ILKAP: variants seen among roughly 807,000 people sequenced by gnomAD.
The protein encoded by ILKAP is ILK associated serine/threonine phosphatase.
In ILKAP, 11 loss-of-function variants were observed where a neutral mutation model predicts 49.1. The observed-to-expected ratio is 0.22, with a 90% CI of 0.14 to 0.37. ILKAP has a LOEUF of 0.37. ILKAP is among the 10% of genes least tolerant of loss of function. The pLI is 1.00. For synonymous variants in ILKAP, 186 were observed against 192.8 expected (o/e 0.96, Z 0.29); for missense variants, 363 against 510.8 (o/e 0.71, Z 2.79).
chr2:238,195,433 G>A (rs1366270221), intron 1 of ILKAP, among the ~76,000 whole-genome samples: 10 of 151,968 alleles, frequency 6.6e-5, no homozygotes, highest in Admixed American at 6.6e-4. Context: ...GAAAATAAAG[G>A]AGTTTCAGGT....
intron 2 of ILKAP, 50 bp from the exon 3 acceptor site, chr2:238,194,381 T>G (rs757839747): frequency 8.9e-6 from 14 of 1,568,040 alleles, no homozygotes; most frequent in Non-Finnish European, 1.1e-5. Context: ...ATGTAAGACT[T>G]AAGTTTCAGA....
In ILKAP at chr2:238,170,477, A is replaced by G; in HGVS notation, c.*59T>C. 1 of 1,528,456 alleles carries G rather than the reference A, an allele frequency of 6.5e-7. No homozygotes were observed. 94.7% of individuals were successfully genotyped at this position (1,528,456 alleles called of 1,614,324 possible). A position where few individuals can be genotyped will look rare whatever the true frequency, so the allele number is the denominator to read the frequency against. ...AGTACACAAAACACACAATGTGCAC[A>G]CACACAAAATGAACCTTTTAAGTCA... On this transcript the variant is annotated 3_prime_UTR_variant, in exon 12 of 12. Transcript: ENST00000254654.
intron 10 of ILKAP, 53 bp from the exon 11 acceptor site, chr2:238,171,077 A>T: frequency 1.6e-6 from 2 of 1,261,536 alleles, no homozygotes; most frequent in Non-Finnish European, 2.3e-6. Flanking sequence ...CAAAAAATAA[A>T]AAATAAAAAA....
chr2:238,199,832 C>A (rs1275095323), intron 1 of ILKAP, among the ~76,000 whole-genome samples: 2 of 151,428 alleles, frequency 1.3e-5, no homozygotes, highest in Admixed American at 1.3e-4. Flanking sequence ...CCAGGCTCTT[C>A]TCAAATTCCT....
intron 6 of ILKAP, 76 bp from the exon 7 acceptor site, chr2:238,184,189 G>T: frequency 1.1e-6 from 1 of 884,688 alleles, no homozygotes; most frequent in Admixed American, 1.9e-5. Flanking sequence ...ATTTTGGTTT[G>T]TTTTTTGTTT....
At chr2:238,178,473 G>GC (rs937629395) in intron 9 of ILKAP, among the ~76,000 whole-genome samples, 2 of 152,190 alleles carry the variant, frequency 1.3e-5, no homozygotes, top group Non-Finnish European at 2.9e-5. Context: ...ACAGGTGTGA[G>GC]CCCTCTGCTC....
At chr2:238,178,011 A>G (rs1693538145) in intron 9 of ILKAP, among the ~76,000 whole-genome samples, 1 of 152,214 alleles carries the variant, frequency 6.6e-6, no homozygotes, top group South Asian at 2.1e-4. Flanking sequence ...GGATAAACTG[A>G]AAACAATAAA....
intron 1 of ILKAP, among the ~76,000 whole-genome samples, chr2:238,195,422 A>G (rs1694303325): frequency 7.2e-6 from 1 of 138,686 alleles, no homozygotes; most frequent in African/African-American, 2.5e-5. Context: ...ATAGCTATGG[A>G]GAAAATAAAG....
chr2:238,174,570 G>T (rs146297268), intron 9 of ILKAP, among the ~76,000 whole-genome samples: 141 of 152,334 alleles, frequency 9.3e-4, no homozygotes, highest in African/African-American at 3.1e-3. Flanking sequence ...GGCTGCACAT[G>T]GTAGGAAATG....
rs150513488 is a variant in ILKAP, at chr2:238,194,631, G to A, written c.121+174C>T. 4,382 of 653,608 alleles carry A rather than the reference G, an allele frequency of 6.7e-3. 146 individuals are homozygous for A. The highest frequency in any genetic ancestry group is 5.9e-3 in the East Asian group (215 of 36,676). The allele number at this position is 653,608 out of a possible 1,614,324, so 40.5% of individuals were successfully genotyped here. On this transcript the variant is annotated intron_variant, in intron 2 of 11. Coordinates refer to ENST00000254654, the MANE Select transcript of ILKAP (RefSeq NM_030768.3). ...CCTCGCAGTACTTCTCAGGGCTAGC[G>A]ACTAGCAGATTTTTCTGCCTTACCT...
At chr2:238,183,334 C>T (rs1225607398) in intron 8 of ILKAP, among the ~76,000 whole-genome samples, 1 of 152,196 alleles carries the variant, frequency 6.6e-6, no homozygotes, top group African/African-American at 2.4e-5. Context: ...ATTTAGGCTA[C>T]TTGCATACTG....
At chr2:238,197,611 A>C (rs1403436387) in intron 1 of ILKAP, among the ~76,000 whole-genome samples, 1 of 152,194 alleles carries the variant, frequency 6.6e-6, no homozygotes, top group African/African-American at 2.4e-5. Context: ...AATGCAACTT[A>C]CAGCTTAGTA....
chr2:238,188,078 C>G (rs900955044), intron 5 of ILKAP, 53 bp downstream of exon 5: 1 of 1,600,308 alleles, frequency 6.2e-7, no homozygotes, highest in African/African-American at 1.3e-5. Flanking sequence ...AAATGCCAGT[C>G]AGAACCCAGG....
intron 3 of ILKAP, among the ~76,000 whole-genome samples, chr2:238,190,494 A>G (rs1192818016): frequency 6.6e-6 from 1 of 152,226 alleles, no homozygotes; most frequent in East Asian, 1.9e-4. Flanking sequence ...ACTCAAAGCT[A>G]AGGGAATCTG....
At chr2:238,199,620 C>T (rs1005374109) in intron 1 of ILKAP, among the ~76,000 whole-genome samples, 6 of 151,984 alleles carry the variant, frequency 3.9e-5, no homozygotes, top group Non-Finnish European at 8.8e-5. Context: ...ATTATTTTCT[C>T]GGTTTGTCTT....
chr2:238,189,580 G>T, intron 4 of ILKAP: 1 of 246,264 alleles, frequency 4.1e-6, no homozygotes, highest in Non-Finnish European at 7.8e-6. Flanking sequence ...ATTCACTGCA[G>T]AAGGCTAAGA....
intron 9 of ILKAP, among the ~76,000 whole-genome samples, chr2:238,176,491 C>T (rs2106327677): frequency 6.6e-6 from 1 of 152,322 alleles, no homozygotes; most frequent in Non-Finnish European, 1.5e-5. Flanking sequence ...TGGTACCAGC[C>T]CTCATTAGGA....
intron 9 of ILKAP, among the ~76,000 whole-genome samples, chr2:238,177,004 G>A (rs1352973323): frequency 6.6e-6 from 1 of 152,142 alleles, no homozygotes. Context: ...CAAGTTCTAG[G>A]CACACAGTAC....
intron 10 of ILKAP, among the ~76,000 whole-genome samples, chr2:238,171,747 G>A (rs1431611539): frequency 6.6e-6 from 1 of 152,210 alleles, no homozygotes; most frequent in African/African-American, 2.4e-5. Flanking sequence ...CAGCCTCGGT[G>A]AAACATCCTT....
Sources: gnomAD v4.1 joint callset for allele counts (sites outside exome capture counted in the v4.1 genomes callset) on GRCh38, gnomAD v4.1.1 for gene constraint, MANE v1.5 for transcripts, NCBI Gene and HGNC (gene_info 2026-07-23, HGNC 2026-07-21) for gene names.